The following GRIN2B variants were observed in gnomAD, a reference collection of about 807,000 sequenced individuals.
GRIN2B encodes glutamate receptor ionotropic, NMDA 2B.
A neutral mutation model predicts 114.5 loss-of-function variants in GRIN2B; 5 were observed. The ratio of observed to expected loss-of-function variants is 0.04; its 90% CI spans 0.02 to 0.09. The LOEUF (loss-of-function observed/expected upper bound fraction) is 0.09, where lower values mean the gene tolerates loss of function less well. Ranked by LOEUF, GRIN2B falls within the 10% of genes least tolerant of loss-of-function variation. The probability of loss-of-function intolerance (pLI) is 1.00; values close to 1 mark genes in which losing one functional copy is unlikely to be tolerated. For missense variants in GRIN2B, 1,108 were observed against 1,943.5 expected (o/e 0.57, Z 8.08); for synonymous variants, 787 against 745.1 (o/e 1.06, Z -0.92).
rs188865043 is a variant in GRIN2B at position 13,966,413 on chromosome 12, A to G, written c.-19+13515T>C. On this transcript the variant is annotated intron_variant, in intron 2 of 13. Transcript: ENST00000609686. ...TTTTCCTTACAGTTTTTCATGTGTG[A>G]TCAGTTCATGGTGACTTTGTCCTAG... 3.2e-4 allele frequency among the ~76,000 whole-genome samples: 49 copies of G among 152,254 alleles called. 1 individual carries two copies. In the East Asian group the frequency reaches 9.1e-3, roughly 28 times the overall value.
intron 2 of GRIN2B, among the ~76,000 whole-genome samples, chr12:13,953,265 G>A (rs570690938): frequency 2.4e-4 from 36 of 152,158 alleles, no homozygotes; most frequent in Middle Eastern, 3.4e-3. Flanking sequence ...CAGAAGTCAC[G>A]TAGAGCCATG....
chr12:13,830,041 T>C (rs1202206710), intron 3 of GRIN2B, among the ~76,000 whole-genome samples: 1 of 152,150 alleles, frequency 6.6e-6, no homozygotes, highest in Non-Finnish European at 1.5e-5. Flanking sequence ...TGAGACCCAC[T>C]ATCTGGAAGG....
chr12:13,642,532 T>C (rs943855629), intron 5 of GRIN2B, among the ~76,000 whole-genome samples: 24 of 152,296 alleles, frequency 1.6e-4, no homozygotes, highest in Middle Eastern at 3.4e-3. Flanking sequence ...AGTGGCTAAT[T>C]ATTACATGTA....
At chr12:13,658,784 G>T (rs1949892480) in intron 5 of GRIN2B, among the ~76,000 whole-genome samples, 1 of 151,922 alleles carries the variant, frequency 6.6e-6, no homozygotes, top group Admixed American at 6.6e-5. Flanking sequence ...GTGGGGTCTT[G>T]TGAAGCATTT....
At chr12:13,669,277 T>C (rs1314411401) in intron 5 of GRIN2B, among the ~76,000 whole-genome samples, 2 of 152,100 alleles carry the variant, frequency 1.3e-5, no homozygotes, top group Non-Finnish European at 1.5e-5. Context: ...GAACAGCTGA[T>C]CTCCACACTT....
chr12:13,619,690 A>G (rs1949492253), intron 5 of GRIN2B, among the ~76,000 whole-genome samples: 1 of 152,240 alleles, frequency 6.6e-6, no homozygotes, highest in African/African-American at 2.4e-5. Context: ...TTGAGGGTAT[A>G]GATGTGCTAG....
chr12:13,632,418 T>G (rs1396002535), intron 5 of GRIN2B, among the ~76,000 whole-genome samples: 1 of 152,242 alleles, frequency 6.6e-6, no homozygotes, highest in Non-Finnish European at 1.5e-5. Flanking sequence ...CAATATTAAG[T>G]GTAATGTGTA....
Position 13,546,915 on chromosome 12 carries a change from T to G in GRIN2B, c.*15868A>C, listed in dbSNP as rs934207915. The G allele has an allele frequency of 1.3e-5, 2 of 152,198 alleles. No homozygotes were observed. Among genetic ancestry groups the G allele is most frequent in the South Asian group, 4.1e-4 (2 of 4,834 alleles). The allele number at this position is 152,198 out of a possible 1,614,324, so 9.4% of individuals were successfully genotyped here. A position where few individuals can be genotyped will look rare whatever the true frequency, so the allele number is the denominator to read the frequency against. On this transcript the variant is annotated 3_prime_UTR_variant, in exon 14 of 14. Transcript: ENST00000609686. ...GGACACATGCTCAGAGGTGGCTTAA[T>G]ATTCCAGAGCACATCCCTCTCCACT...
chr12:13,715,575 G>C (rs573301193), intron 4 of GRIN2B, among the ~76,000 whole-genome samples: 1 of 151,816 alleles, frequency 6.6e-6, no homozygotes, highest in South Asian at 2.1e-4. Flanking sequence ...AAAAGAGTGG[G>C]TAAGTGAATA....
At chr12:13,575,360 T>C (rs959684021) in intron 10 of GRIN2B, among the ~76,000 whole-genome samples, 3 of 152,076 alleles carry the variant, frequency 2.0e-5, no homozygotes, top group African/African-American at 7.2e-5. Flanking sequence ...AAGGCATCCT[T>C]CAAATGAAAA....
At chr12:13,975,002 A>G (rs1862994844) in intron 2 of GRIN2B, among the ~76,000 whole-genome samples, 1 of 152,262 alleles carries the variant, frequency 6.6e-6, no homozygotes, top group Non-Finnish European at 1.5e-5. Flanking sequence ...ACAGAATGAA[A>G]AGAGAGCAGG....
At chr12:13,767,258 C>CAAAAAA (rs34462939) in intron 3 of GRIN2B, among the ~76,000 whole-genome samples, 4 of 97,670 alleles carry the variant, frequency 4.1e-5, no homozygotes, top group Non-Finnish European at 6.0e-5. Flanking sequence ...GACTCTGTCT[C>CAAAAAA]AAAAAAAAAA....
At chr12:13,621,729 GA>G (rs11323998) in intron 5 of GRIN2B, among the ~76,000 whole-genome samples, 151,155 of 151,156 alleles carry the variant, frequency 1, 75,577 homozygotes, top group Non-Finnish European at 1. Flanking sequence ...TCCTCAGAAG[GA>G]AAGTCTACCT....
At chr12:13,674,775 A>G (rs947469412) in intron 5 of GRIN2B, among the ~76,000 whole-genome samples, 9 of 152,146 alleles carry the variant, frequency 5.9e-5, no homozygotes, top group African/African-American at 1.9e-4. Flanking sequence ...AAGGGGTCTC[A>G]AGGTAGAATA....
intron 4 of GRIN2B, among the ~76,000 whole-genome samples, chr12:13,717,384 C>A (rs1266650086): frequency 6.6e-6 from 1 of 151,882 alleles, no homozygotes; most frequent in South Asian, 2.1e-4. Flanking sequence ...AATCCAGCCC[C>A]GCTTGGAATA....
Position 13,856,532 on chromosome 12 carries a change from C to T in GRIN2B, c.411+9266G>A, listed in dbSNP as rs1383529622. On this transcript the variant is annotated intron_variant, in intron 3 of 13. Coordinates refer to ENST00000609686, the MANE Select transcript of GRIN2B (RefSeq NM_000834.5). ...TACGAAGGTGGAACTATCAAGGTCC[C>T]GTTACTGTCGGAGGGGAAGGGAGGG... Among the ~76,000 whole-genome samples, 3 of 152,064 alleles carry T rather than the reference C, an allele frequency of 2.0e-5. No homozygotes were observed. The East Asian group carries it at 5.8e-4, about 29-fold the overall frequency.
chr12:13,740,801 A>C (rs954528559), intron 4 of GRIN2B, among the ~76,000 whole-genome samples: 7 of 152,188 alleles, frequency 4.6e-5, no homozygotes, highest in Admixed American at 3.9e-4. Context: ...ATTTGGGAAT[A>C]GGATAAGAAA....
At chr12:13,815,388 G>T (rs1864801417) in intron 3 of GRIN2B, among the ~76,000 whole-genome samples, 1 of 151,212 alleles carries the variant, frequency 6.6e-6, no homozygotes, top group Admixed American at 6.6e-5. Context: ...AAAAAAAAAA[G>T]ACATATAGGA....
At chr12:13,589,904 G>A (rs764184292) in intron 10 of GRIN2B, among the ~76,000 whole-genome samples, 1 of 152,080 alleles carries the variant, frequency 6.6e-6, no homozygotes, top group Non-Finnish European at 1.5e-5. Flanking sequence ...TTTTCCAAAT[G>A]GCAAGGGGCC....
Sources: gnomAD v4.1 joint callset for allele counts (sites outside exome capture counted in the v4.1 genomes callset) on GRCh38, gnomAD v4.1.1 for gene constraint, MANE v1.5 for transcripts, NCBI Gene and HGNC (gene_info 2026-07-23, HGNC 2026-07-21) for gene names.